Variants in SOX5 observed in about 807,000 individuals in gnomAD.
The protein encoded by SOX5 is transcription factor SOX-5.
Under a neutral mutation model 92.0 loss-of-function variants are expected in SOX5, and 9 were observed. The ratio of observed to expected loss-of-function variants is 0.10; its 90% confidence interval spans 0.06 to 0.17. The LOEUF is 0.17. SOX5 is among the 10% of genes least tolerant of loss of function. The pLI is 1.00. For synonymous variants in SOX5, 344 were observed against 336.3 expected, an observed-to-expected ratio of 1.02 and a Z score of -0.25; for missense variants, 642 against 944.5, an observed-to-expected ratio of 0.68 and a Z score of 4.20.
intron 1 of SOX5, among the ~76,000 whole-genome samples, chr12:24,400,491 A>G (rs67033524): frequency 0.14 from 20,700 of 152,272 alleles, 1,546 homozygotes; most frequent in Middle Eastern, 0.24. Context: ...CAAAGCCTGA[A>G]AAGTTAGCAG....
At chr12:23,685,218 T>G (rs2087311042) in intron 6 of SOX5, among the ~76,000 whole-genome samples, 2 of 152,124 alleles carry the variant, frequency 1.3e-5, no homozygotes, top group Admixed American at 1.3e-4. Flanking sequence ...TCTACTCCCT[T>G]TCTTTGTTTT....
intron 6 of SOX5, among the ~76,000 whole-genome samples, chr12:23,714,248 T>C (rs2092314056): frequency 6.6e-6 from 1 of 152,208 alleles, no homozygotes; most frequent in African/African-American, 2.4e-5. Flanking sequence ...TAAATACTAA[T>C]GTAAATGATA....
chr12:24,367,922 GT>G (rs1429445956), intron 2 of SOX5: 1 of 151,984 alleles, frequency 6.6e-6, no homozygotes, highest in Non-Finnish European at 1.5e-5. Flanking sequence ...AATAGTTTTT[GT>G]TTATATTTAC....
chr12:23,580,292 C>T (rs1949858632), intron 9 of SOX5, among the ~76,000 whole-genome samples: 2 of 152,002 alleles, frequency 1.3e-5, no homozygotes, highest in Admixed American at 6.6e-5. Context: ...TTTAAAAAGG[C>T]ACTGATGGAA....
intron 1 of SOX5, among the ~76,000 whole-genome samples, chr12:24,441,160 C>T (rs543816382): frequency 7.9e-5 from 12 of 152,278 alleles, no homozygotes; most frequent in African/African-American, 2.6e-4. Context: ...CAATAATTTC[C>T]TAATAGAACT....
chr12:24,418,962 G>C (rs192320457), intron 1 of SOX5, among the ~76,000 whole-genome samples: 2 of 152,112 alleles, frequency 1.3e-5, no homozygotes, highest in Non-Finnish European at 2.9e-5. Flanking sequence ...TGGAGTAGTT[G>C]TCAGAGTTAC....
Position 24,296,280 on chromosome 12 carries a change from T to C in SOX5, c.-173-18968A>G, listed in dbSNP as rs187499112. 6.6e-5 allele frequency among the ~76,000 whole-genome samples: 10 copies of C among 152,358 alleles called. No homozygotes were observed. The East Asian group carries it at 1.5e-3, about 24-fold the overall frequency. On this transcript the variant is annotated intron_variant, in intron 2 of 4. Coordinates refer to the SOX5 transcript ENST00000446891. Reference sequence around the variant, plus strand: ...CTCATGAATGTTTCAGTAGGAACACTGCAAAATAACACAATAGAAAAAGGT... The same window carrying C: ...CTCATGAATGTTTCAGTAGGAACACCGCAAAATAACACAATAGAAAAAGGT...
At chr12:24,280,867 T>A (rs936611522) in intron 2 of SOX5, among the ~76,000 whole-genome samples, 2 of 152,028 alleles carry the variant, frequency 1.3e-5, no homozygotes, top group African/African-American at 2.4e-5. Context: ...GTAACTTTTT[T>A]AAAATTTTGA....
At chr12:24,162,311 C>G (rs566253086) in intron 4 of SOX5, among the ~76,000 whole-genome samples, 2 of 152,058 alleles carry the variant, frequency 1.3e-5, no homozygotes, top group African/African-American at 4.8e-5. Flanking sequence ...GATTAATAAG[C>G]TAGTGCATAT....
intron 3 of SOX5, among the ~76,000 whole-genome samples, chr12:24,263,553 C>CAA (rs1302094324): frequency 1.0e-5 from 1 of 96,236 alleles, no homozygotes; most frequent in Non-Finnish European, 2.2e-5. Flanking sequence ...AAAAAAAAAA[C>CAA]AAAAACAAGA....
intron 11 of SOX5, among the ~76,000 whole-genome samples, chr12:23,550,222 A>G (rs1943933783): frequency 6.6e-6 from 1 of 151,906 alleles, no homozygotes; most frequent in Non-Finnish European, 1.5e-5. Context: ...TGAATGGCGA[A>G]AGGCCACAGG....
intron 4 of SOX5, among the ~76,000 whole-genome samples, chr12:23,743,047 TA>T (rs1474623365): frequency 6.6e-6 from 1 of 152,088 alleles, no homozygotes; most frequent in Non-Finnish European, 1.5e-5. Context: ...AAATGTCAAA[TA>T]AGAATAACCA....
chr12:23,979,876 CCTGGCTGGCTGG>C lies in SOX5; in HGVS notation c.-1-83864_-1-83853del, dbSNP rs71059955. On this transcript the variant is annotated intron_variant, in intron 4 of 4. Coordinates refer to the SOX5 transcript ENST00000446891. Reference sequence around the variant, plus strand: ...AGGACTACAGGCACATGCTACCATGCCTGGCTGGCTGGCTGGCTGGCTGGCTGGCTGGCTGGC... The same window carrying C: ...AGGACTACAGGCACATGCTACCATGCCTGGCTGGCTGGCTGGCTGGCTGGC... Among the ~76,000 whole-genome samples the C allele has an allele frequency of 7.5e-3, 992 of 132,920 alleles. 16 individuals are homozygous for C. Among genetic ancestry groups the C allele is most frequent in the African/African-American group, 0.026 (892 of 34,948 alleles). The allele number at this position is 132,920 out of a possible 152,430, so 87.2% of individuals were successfully genotyped here. A position where few individuals can be genotyped will look rare whatever the true frequency, so the allele number is the denominator to read the frequency against.
intron 8 of SOX5, among the ~76,000 whole-genome samples, chr12:23,608,355 G>A (rs1050702377): frequency 3.3e-5 from 5 of 151,986 alleles, no homozygotes; most frequent in African/African-American, 1.2e-4. Context: ...CCTCATACCT[G>A]TACCTCCTTT....
intron 2 of SOX5, among the ~76,000 whole-genome samples, chr12:24,357,794 T>C (rs375448347): frequency 1.2e-3 from 185 of 149,140 alleles, no homozygotes; most frequent in African/African-American, 4.3e-3. Flanking sequence ...TGAGGGTAGA[T>C]TGTGCGACTG....
intron 7 of SOX5, among the ~76,000 whole-genome samples, chr12:23,661,536 A>C (rs993990711): frequency 5.3e-5 from 8 of 152,328 alleles, no homozygotes; most frequent in Admixed American, 3.3e-4. Context: ...ATCTTCCTTT[A>C]AAGTCAATTT....
intron 2 of SOX5, among the ~76,000 whole-genome samples, chr12:24,346,795 G>A (rs1474546825): frequency 1.3e-5 from 2 of 151,812 alleles, no homozygotes; most frequent in Non-Finnish European, 2.9e-5. Context: ...GGTGTACACC[G>A]CATGTTCTCA....
At chr12:24,309,108 A>G (rs1356882651) in intron 2 of SOX5, among the ~76,000 whole-genome samples, 2 of 152,220 alleles carry the variant, frequency 1.3e-5, no homozygotes, top group East Asian at 3.8e-4. Flanking sequence ...TAGAATTATG[A>G]TATCCTTGTA....
chr12:24,312,991 G>T (rs986776948), intron 2 of SOX5, among the ~76,000 whole-genome samples: 1 of 152,172 alleles, frequency 6.6e-6, no homozygotes, highest in South Asian at 2.1e-4. Flanking sequence ...GTCAGCCCCG[G>T]TTGTATGCTT....
Sources: gnomAD v4.1 joint callset for allele counts (sites outside exome capture counted in the v4.1 genomes callset) on GRCh38, gnomAD v4.1.1 for gene constraint, MANE v1.5 for transcripts, NCBI Gene and HGNC (gene_info 2026-07-23, HGNC 2026-07-21) for gene names.